The following LIMK2 variants were observed in gnomAD, a reference collection of about 807,000 sequenced individuals.
LIMK2 encodes LIM domain kinase 2.
LIMK2 carries 35 observed loss-of-function variants against 75.7 expected under a neutral mutation model. The ratio of observed to expected loss-of-function variants is 0.46; its 90% CI spans 0.35 to 0.61. The LOEUF is 0.61. Ranked by LOEUF, LIMK2 falls within the 20% of genes least tolerant of loss-of-function variation. LIMK2 has a pLI of 0.00. For missense variants in LIMK2, 623 were observed against 831.0 expected, an observed-to-expected ratio of 0.75 and a Z score of 3.08; for synonymous variants, 301 against 319.2, an observed-to-expected ratio of 0.94 and a Z score of 0.61.
chr22:31,246,183 G>GCACACACACACA (rs57524309), intron 2 of LIMK2, among the ~76,000 whole-genome samples: 2,642 of 135,064 alleles, frequency 0.02, 63 homozygotes, highest in South Asian at 0.036. Context: ...ACGCACGCAC[G>GCACACACACACA]CACACACACA....
At chr22:31,261,374 C>T (rs775957674) in intron 5 of LIMK2, among the ~76,000 whole-genome samples, 7 of 152,150 alleles carry the variant, frequency 4.6e-5, no homozygotes, top group East Asian at 1.9e-4. Flanking sequence ...AATGAAACCC[C>T]GTCTCTACTA....
intron 1 of LIMK2, chr22:31,222,960 A>G (rs1307216198): frequency 2.0e-5 from 3 of 152,130 alleles, no homozygotes; most frequent in Admixed American, 6.5e-5. Context: ...TTCTTCTAAG[A>G]AGTAAGATGG....
intron 15 of LIMK2, among the ~76,000 whole-genome samples, chr22:31,278,023 G>C (rs182393590): frequency 2.0e-5 from 3 of 152,088 alleles, no homozygotes; most frequent in Non-Finnish European, 4.4e-5. Flanking sequence ...TTTGATAACT[G>C]CATTTTCTCT....
chr22:31,272,535 G>A lies in LIMK2; in HGVS notation c.1389G>A (p.Lys463=). The change falls in exon 13 of 16, where the codon AAG becomes AAA. Residue 463 remains lysine, a synonymous_variant. Coordinates refer to ENST00000331728, the MANE Select transcript of LIMK2 (RefSeq NM_005569.4). ...CCTGTCTTTTATCCTACCAGGACAA[G>A]ACTGTGGTGGTGGCAGACTTTGGGC... The part of the protein sequence containing the change: ...NSHNCLIKLD[K]TVVVADFGLS... The A allele has an allele frequency of 1.2e-6, 2 of 1,612,330 alleles. No homozygotes were observed. Among genetic ancestry groups the A allele is most frequent in the Non-Finnish European group, 1.7e-6 (2 of 1,179,474 alleles).
At chr22:31,225,439 AG>A (rs1429047832) in intron 1 of LIMK2, among the ~76,000 whole-genome samples, 2 of 152,216 alleles carry the variant, frequency 1.3e-5, no homozygotes, top group African/African-American at 2.4e-5. Flanking sequence ...GAAAAAGGCA[AG>A]TTTTGTTTCA....
chr22:31,256,564 T>C (rs2048784515), intron 2 of LIMK2, among the ~76,000 whole-genome samples: 1 of 151,748 alleles, frequency 6.6e-6, no homozygotes, highest in Non-Finnish European at 1.5e-5. Context: ...GGTCTCGAAC[T>C]CCTGACTTCA....
chr22:31,214,235 A>T (rs1338648749), intron 1 of LIMK2, among the ~76,000 whole-genome samples: 1 of 152,202 alleles, frequency 6.6e-6, no homozygotes, highest in Non-Finnish European at 1.5e-5. Flanking sequence ...AAGCCTCTAG[A>T]TGCATTAGTT....
chr22:31,238,283 T>C (rs995585619), intron 2 of LIMK2, among the ~76,000 whole-genome samples: 3 of 152,220 alleles, frequency 2.0e-5, no homozygotes, highest in African/African-American at 7.2e-5. Flanking sequence ...CTAGTTTGGC[T>C]GACTCACCAC....
intron 5 of LIMK2, among the ~76,000 whole-genome samples, chr22:31,260,671 T>C (rs2048829390): frequency 6.6e-6 from 1 of 152,212 alleles, no homozygotes; most frequent in African/African-American, 2.4e-5. Flanking sequence ...TACCATGTGT[T>C]GGACACTAGG....
intron 2 of LIMK2, among the ~76,000 whole-genome samples, chr22:31,242,984 A>C (rs571152125): frequency 1.3e-4 from 20 of 152,198 alleles, no homozygotes; most frequent in Non-Finnish European, 2.5e-4. Context: ...GTGCAATGGC[A>C]TGATCTTGGC....
chr22:31,260,102 C>T (rs1379683432), intron 5 of LIMK2, 25 bp downstream of exon 5: 1 of 1,526,154 alleles, frequency 6.6e-7, no homozygotes, highest in African/African-American at 1.4e-5. Context: ...AACCCTTCAG[C>T]AGGGGTTCTT....
At chr22:31,278,216 A>G (rs1326339296) in intron 15 of LIMK2, 81 bp from the exon 16 acceptor site, 3 of 1,256,778 alleles carry the variant, frequency 2.4e-6, no homozygotes, top group Non-Finnish European at 3.3e-6. Context: ...ACCAGGAAGT[A>G]GCTGAGCCTA....
intron 2 of LIMK2, among the ~76,000 whole-genome samples, chr22:31,255,733 C>T (rs2123828078): frequency 6.6e-6 from 1 of 152,288 alleles, no homozygotes; most frequent in Non-Finnish European, 1.5e-5. Flanking sequence ...TTTATATCTG[C>T]AGTGCTTAGC....
intron 3 of LIMK2, 121 bp downstream of exon 3, chr22:31,258,547 TATTC>T (rs1352293951): frequency 1.0e-6 from 1 of 966,796 alleles, no homozygotes; most frequent in East Asian, 2.6e-5. Context: ...TCCCTTTATT[TATTC>T]ATTCATTCAA....
chr22:31,266,057 ACAG>A lies in LIMK2; in HGVS notation c.970_972del (p.Gln324del). On this transcript the variant is annotated inframe_deletion, in exon 8 of 16. Transcript: ENST00000331728. Reference sequence around the variant, plus strand: ...CCCTTCGTTGTTCCAGCAGCTATTCACAGCAGATCTTCCGGCCCTGTGACCTAA... The same window carrying A: ...CCCTTCGTTGTTCCAGCAGCTATTCACAGATCTTCCGGCCCTGTGACCTAA... 1 of 1,614,176 alleles carries A rather than the reference ACAG, an allele frequency of 6.2e-7. No homozygotes were observed. Among genetic ancestry groups the A allele is most frequent in the Non-Finnish European group, 8.5e-7 (1 of 1,180,038 alleles).
At chr22:31,250,288 A>G (rs2048712154) in intron 2 of LIMK2, among the ~76,000 whole-genome samples, 1 of 152,176 alleles carries the variant, frequency 6.6e-6, no homozygotes, top group Non-Finnish European at 1.5e-5. Flanking sequence ...AAGGCAGCTT[A>G]GGAGAAGGGT....
chr22:31,244,149 C>T lies in LIMK2; in HGVS notation c.117-14142C>T, dbSNP rs547929030. ...GGGGAGAGGAGAGCGCCTGCAGCCT[C>T]CTGCTCACATTCCTAGACACCGACT... is the stretch of plus-strand genomic sequence containing the variant. On this transcript the variant is annotated intron_variant, in intron 2 of 15. Coordinates refer to ENST00000331728, the MANE Select transcript of LIMK2 (RefSeq NM_005569.4). Among the ~76,000 whole-genome samples, 10 of 152,226 alleles carry T rather than the reference C, an allele frequency of 6.6e-5. No individual in the cohort carries two copies. The South Asian group carries it at 1.9e-3, about 28-fold the overall frequency.
chr22:31,276,325 G>A (rs1453583995), intron 15 of LIMK2, among the ~76,000 whole-genome samples: 3 of 152,102 alleles, frequency 2.0e-5, no homozygotes, highest in African/African-American at 7.2e-5. Flanking sequence ...CAGGAAATAC[G>A]TCTTCTGTAA....
At position 31,277,478 on chromosome 22, in the gene LIMK2, G is replaced by T. The variant is rs5997935; in HGVS notation, c.1773-819G>T. 45 of 1,110,236 alleles carry T rather than the reference G, an allele frequency of 4.1e-5. No individual in the cohort carries two copies. In the African/African-American group the frequency reaches 6.9e-4, roughly 17 times the overall value. 68.8% of individuals were successfully genotyped at this position (1,110,236 alleles called of 1,614,324 possible). A position where few individuals can be genotyped will look rare whatever the true frequency, so the allele number is the denominator to read the frequency against. On this transcript the variant is annotated intron_variant, in intron 15 of 15. Transcript: ENST00000331728. Reference sequence around the variant, plus strand: ...TTAGAGTTGAAATTTTCTGGTGGGAGAATCTATACCTTGTTCCTTTATAGG... The same window carrying T: ...TTAGAGTTGAAATTTTCTGGTGGGATAATCTATACCTTGTTCCTTTATAGG...
Sources: gnomAD v4.1 joint callset for allele counts (sites outside exome capture counted in the v4.1 genomes callset) on GRCh38, gnomAD v4.1.1 for gene constraint, MANE v1.5 for transcripts, NCBI Gene and HGNC (gene_info 2026-07-23, HGNC 2026-07-21) for gene names.